Variants in BTBD16 observed in about 807,000 individuals in gnomAD.
BTBD16 encodes BTB/POZ domain-containing protein 16.
BTBD16 carries 66 observed loss-of-function variants against 67.4 expected under a neutral mutation model. The ratio of observed to expected loss-of-function variants is 0.98; its 90% CI spans 0.80 to 1.20. BTBD16 has a LOEUF of 1.20. Ranked by LOEUF, BTBD16 falls within the 50% of genes most tolerant of loss-of-function variation. The pLI, the probability that BTBD16 is intolerant of heterozygous loss-of-function variation, is 0.00. For missense variants in BTBD16, 634 were observed against 616.0 expected, an observed-to-expected ratio of 1.03 and a Z score of -0.31; for synonymous variants, 242 against 236.4, an observed-to-expected ratio of 1.02 and a Z score of -0.22.
intron 5 of BTBD16, among the ~76,000 whole-genome samples, chr10:122,288,555 A>G (rs2096367963): frequency 6.6e-6 from 1 of 150,890 alleles, no homozygotes; most frequent in Non-Finnish European, 1.5e-5. Flanking sequence ...TTCAGCTGAT[A>G]TTTACTAGCA....
rs1259531558 is a variant in BTBD16, at chr10:122,329,584, C to T, written c.1003+13C>T. 6.2e-7 allele frequency: 1 copy of T among 1,611,440 alleles called. No individual in the cohort carries two copies. Among genetic ancestry groups the T allele is most frequent in the African/African-American group, 1.3e-5 (1 of 75,044 alleles). On this transcript the variant is annotated intron_variant, in intron 11 of 15. Coordinates refer to ENST00000260723, the MANE Select transcript of BTBD16 (RefSeq NM_144587.5). ...GGCATCACCAAAGGTAAGCCCCAGTCCAGGCGAGCGCATCCACGGGAAAGC... is the reference window on the plus strand; with the variant it reads ...GGCATCACCAAAGGTAAGCCCCAGTTCAGGCGAGCGCATCCACGGGAAAGC...
intron 3 of BTBD16, among the ~76,000 whole-genome samples, chr10:122,280,530 A>G (rs1267096476): frequency 6.6e-6 from 1 of 151,700 alleles, no homozygotes; most frequent in Non-Finnish European, 1.5e-5. Flanking sequence ...CTTAAGAGGT[A>G]AGAATGGGAA....
chr10:122,272,158 G>A lies in BTBD16; in HGVS notation c.-43+644G>A, dbSNP rs115190863. Among the ~76,000 whole-genome samples, 433 of 152,284 alleles carry A rather than the reference G, an allele frequency of 2.8e-3. 3 individuals are homozygous for A. Among genetic ancestry groups the A allele is most frequent in the African/African-American group, 1.0e-2 (415 of 41,542 alleles). ...CTGAGGTGGGAGAAGCCTCACGCAAGGTGGAAACTCAGCCATCAAGGAAAA... is the reference window on the plus strand; with the variant it reads ...CTGAGGTGGGAGAAGCCTCACGCAAAGTGGAAACTCAGCCATCAAGGAAAA... On this transcript the variant is annotated intron_variant, in intron 1 of 15. Transcript: ENST00000260723.
In BTBD16 at chr10:122,291,085, G is replaced by T; in HGVS notation, c.481G>T (p.Ala161Ser). The T allele has an allele frequency of 1.2e-6, 2 of 1,609,900 alleles. No homozygotes were observed. The highest frequency in any genetic ancestry group is 1.7e-5 in the Admixed American group (1 of 59,624). Residue 161 changes from alanine to serine, a missense_variant, in exon 7 of 16, where the codon GCC (alanine) becomes TCC (serine). Coordinates refer to ENST00000260723, the MANE Select transcript of BTBD16 (RefSeq NM_144587.5). ...NDPLVTKVAF[A>S]TALKNLYMSE... is the part of the protein sequence containing the mutation. ...GCTTGGCTGTGCCTCCCCAGCCTTC[G>T]CCACGGCCCTGAAGAACCTCTACAT...
chr10:122,304,415 T>C (rs113440143), intron 9 of BTBD16, among the ~76,000 whole-genome samples: 43 of 152,306 alleles, frequency 2.8e-4, no homozygotes, highest in African/African-American at 9.9e-4. Flanking sequence ...GCAATGTCCA[T>C]GGTCAGAGAC....
chr10:122,296,400 T>C (rs2096383217), intron 7 of BTBD16, among the ~76,000 whole-genome samples: 1 of 152,116 alleles, frequency 6.6e-6, no homozygotes, highest in Admixed American at 6.5e-5. Flanking sequence ...GAAGGATACA[T>C]TTTAGAATAA....
At chr10:122,317,616 C>CA (rs758910422) in intron 10 of BTBD16, among the ~76,000 whole-genome samples, 1 of 151,962 alleles carries the variant, frequency 6.6e-6, no homozygotes, top group Non-Finnish European at 1.5e-5. Flanking sequence ...CACTGAACTC[C>CA]AGCCTGGGTG....
rs557101312 is a variant in BTBD16 at position 122,308,834 on chromosome 10, A to G, written c.911+1526A>G. Among the ~76,000 whole-genome samples, 36 of 152,120 alleles carry G rather than the reference A, an allele frequency of 2.4e-4. No homozygotes were observed. In the South Asian group the frequency reaches 7.1e-3, roughly 30 times the overall value. The stretch of plus-strand genomic sequence containing the variant: ...AGCACCTCGCAGTTGTGTCTTTGTC[A>G]TTGGCCTCCATCTCCCAAATGCATC... On this transcript the variant is annotated intron_variant, in intron 10 of 15. Coordinates refer to ENST00000260723, the MANE Select transcript of BTBD16 (RefSeq NM_144587.5).
chr10:122,338,109 A>G lies in BTBD16; in HGVS notation c.*24A>G. On this transcript the variant is annotated 3_prime_UTR_variant, in exon 16 of 16. Transcript: ENST00000260723. Reference sequence around the variant, plus strand: ...GACAGTTTCCAGAAGAATCTATGGGATTTTCCCCCCACTGGTCTGCATAAA... The same window carrying G: ...GACAGTTTCCAGAAGAATCTATGGGGTTTTCCCCCCACTGGTCTGCATAAA... The G allele has an allele frequency of 6.5e-7, 1 of 1,539,936 alleles. No homozygotes were observed. The highest frequency in any genetic ancestry group is 1.7e-5 in the Admixed American group (1 of 59,644).
intron 10 of BTBD16, among the ~76,000 whole-genome samples, chr10:122,307,858 C>T (rs1564994218): frequency 6.6e-6 from 1 of 152,204 alleles, no homozygotes; most frequent in Non-Finnish European, 1.5e-5. Flanking sequence ...CCTGTTTAAG[C>T]CAAGTTTCAT....
At chr10:122,335,335 GT>G (rs2096461811) in intron 14 of BTBD16, among the ~76,000 whole-genome samples, 1 of 152,230 alleles carries the variant, frequency 6.6e-6, no homozygotes. Flanking sequence ...AAGATAACCG[GT>G]AATGCCCCCA....
At chr10:122,297,931 C>G (rs1820519552) in intron 8 of BTBD16, 94 bp downstream of exon 8, 3 of 1,062,776 alleles carry the variant, frequency 2.8e-6, no homozygotes, top group East Asian at 2.5e-5. Context: ...CTACTTCCCC[C>G]CAGAATATCT....
chr10:122,272,181 A>G (rs2096330053), intron 1 of BTBD16, among the ~76,000 whole-genome samples: 1 of 152,186 alleles, frequency 6.6e-6, no homozygotes, highest in Admixed American at 6.5e-5. Context: ...CCATCAAGGA[A>G]AACACACATT....
intron 7 of BTBD16, among the ~76,000 whole-genome samples, chr10:122,294,554 A>G (rs2096379735): frequency 6.6e-6 from 1 of 152,068 alleles, no homozygotes; most frequent in Non-Finnish European, 1.5e-5. Flanking sequence ...ATGTGTATGC[A>G]CACACACGCT....
chr10:122,299,677 GTCC>G, intron 9 of BTBD16, among the ~76,000 whole-genome samples: 1 of 152,112 alleles, frequency 6.6e-6, no homozygotes, highest in African/African-American at 2.4e-5. Flanking sequence ...ACCCTTGATA[GTCC>G]TGGACGCCAC....
chr10:122,316,656 A>T (rs1280039161), intron 10 of BTBD16, among the ~76,000 whole-genome samples: 4 of 150,494 alleles, frequency 2.7e-5, no homozygotes, highest in African/African-American at 4.9e-5. Context: ...TGTAAAAGAT[A>T]AAAAAAAAGG....
chr10:122,284,373 C>CAGG (rs1204061262), intron 4 of BTBD16, among the ~76,000 whole-genome samples: 1 of 151,964 alleles, frequency 6.6e-6, no homozygotes, highest in Admixed American at 6.6e-5. Context: ...CACTTGAACC[C>CAGG]AGGAGGAGGA....
At chr10:122,275,019 T>C in intron 1 of BTBD16, 21 bp from the exon 2 acceptor site, 1 of 1,571,746 alleles carries the variant, frequency 6.4e-7, no homozygotes, top group Non-Finnish European at 8.8e-7. Context: ...AAATGTCACC[T>C]TTACCTCTTT....
At chr10:122,298,935 C>A (rs1006184763) in intron 8 of BTBD16, 69 bp from the exon 9 acceptor site, 2 of 1,586,782 alleles carry the variant, frequency 1.3e-6, no homozygotes, top group Non-Finnish European at 1.7e-6. Context: ...CGTGTAGTGT[C>A]GTCTCAGGCC....
Sources: gnomAD v4.1 joint callset for allele counts (sites outside exome capture counted in the v4.1 genomes callset) on GRCh38, gnomAD v4.1.1 for gene constraint, MANE v1.5 for transcripts, NCBI Gene and HGNC (gene_info 2026-07-23, HGNC 2026-07-21) for gene names.